Variants in ADGRL2 observed in about 807,000 individuals in gnomAD.
ADGRL2 encodes calcium-independent alpha-latrotoxin receptor 2.
A neutral mutation model predicts 157.4 loss-of-function variants in ADGRL2; 44 were observed. The ratio of observed to expected loss-of-function variants is 0.28; its 90% CI spans 0.22 to 0.36. ADGRL2 has a LOEUF of 0.36. Ranked by LOEUF, ADGRL2 falls within the 10% of genes least tolerant of loss-of-function variation. The probability of loss-of-function intolerance (pLI) is 1.00; values close to 1 mark genes in which losing one functional copy is unlikely to be tolerated. For synonymous variants in ADGRL2, 585 were observed against 624.7 expected, an observed-to-expected ratio of 0.94 and a Z score of 0.95; for missense variants, 1,510 against 1,768.9, an observed-to-expected ratio of 0.85 and a Z score of 2.63.
At position 81,984,556 on chromosome 1, in the gene ADGRL2, C is replaced by T. The variant is rs530847401; in HGVS notation, c.3283-27C>T. 30 of 1,551,950 alleles carry T rather than the reference C, an allele frequency of 1.9e-5. 1 individual carries two copies. In the South Asian group the frequency reaches 3.5e-4, roughly 18 times the overall value. Reference sequence around the variant, plus strand: ...GAGAAGCAAGTGTGTTATATTAATCCCTTGGTCTTGTGATTATTCAATGCA... The same window carrying T: ...GAGAAGCAAGTGTGTTATATTAATCTCTTGGTCTTGTGATTATTCAATGCA... On this transcript the variant is annotated intron_variant, in intron 19 of 23. Coordinates refer to ENST00000686636, the MANE Select transcript of ADGRL2 (RefSeq NM_001366006.2).
chr1:81,534,591 T>C (rs377226603), intron 2 of ADGRL2, among the ~76,000 whole-genome samples: 87 of 152,320 alleles, frequency 5.7e-4, no homozygotes, highest in African/African-American at 1.9e-3. Context: ...CAAAGAAAAC[T>C]GTTCCCATTT....
intron 1 of ADGRL2, among the ~76,000 whole-genome samples, chr1:81,370,829 G>A (rs1377853132): frequency 6.6e-6 from 1 of 151,960 alleles, no homozygotes; most frequent in East Asian, 1.9e-4. Flanking sequence ...TTTCATTTTG[G>A]AGATACAAAA....
chr1:81,763,133 T>G (rs889585079), intron 2 of ADGRL2, among the ~76,000 whole-genome samples: 1 of 151,998 alleles, frequency 6.6e-6, no homozygotes, highest in Admixed American at 6.6e-5. Context: ...ATTCTTCATT[T>G]TTTGCATTTC....
chr1:81,833,608 G>T (rs535413488), intron 1 of ADGRL2, among the ~76,000 whole-genome samples: 24 of 152,322 alleles, frequency 1.6e-4, no homozygotes, highest in Non-Finnish European at 3.4e-4. Context: ...AAGGCTAGGT[G>T]TGATTTCCTG....
chr1:81,813,685 T>C (rs117101918), intron 1 of ADGRL2, among the ~76,000 whole-genome samples: 2 of 151,880 alleles, frequency 1.3e-5, no homozygotes, highest in East Asian at 3.9e-4. Flanking sequence ...TGGTAGATAC[T>C]CTTTACTGCC....
chr1:81,392,314 G>A (rs186273721), intron 1 of ADGRL2, among the ~76,000 whole-genome samples: 8 of 151,606 alleles, frequency 5.3e-5, no homozygotes, highest in African/African-American at 1.9e-4. Flanking sequence ...AGTTTATTTC[G>A]GGAGGAAGGT....
intron 1 of ADGRL2, among the ~76,000 whole-genome samples, chr1:81,724,626 C>T (rs916050993): frequency 3.3e-5 from 5 of 152,042 alleles, no homozygotes; most frequent in South Asian, 2.1e-4. Context: ...GTATAGACAT[C>T]GTACCTGACA....
At chr1:81,581,998 A>G (rs2080924672) in intron 3 of ADGRL2, among the ~76,000 whole-genome samples, 1 of 151,970 alleles carries the variant, frequency 6.6e-6, no homozygotes, top group Admixed American at 6.6e-5. Context: ...AGGTGGGCAG[A>G]TCACCTGAGG....
At chr1:81,760,118 G>T (rs9324187) in intron 1 of ADGRL2, among the ~76,000 whole-genome samples, 71,119 of 151,886 alleles carry the variant, frequency 0.47, 17,322 homozygotes, top group East Asian at 0.89. Flanking sequence ...CTCATACTTG[G>T]CCAATAGTTA....
rs1392387841 is a variant in ADGRL2 at position 81,992,312 on chromosome 1, C to A, written c.*1167C>A. 1 of 152,494 alleles carries A rather than the reference C, an allele frequency of 6.6e-6. No homozygotes were observed. The highest frequency in any genetic ancestry group is 1.5e-5 in the Non-Finnish European group (1 of 67,986). The allele number at this position is 152,494 out of a possible 1,614,324, so 9.4% of individuals were successfully genotyped here. A position where few individuals can be genotyped will look rare whatever the true frequency, so the allele number is the denominator to read the frequency against. On this transcript the variant is annotated 3_prime_UTR_variant, in exon 24 of 24. Transcript: ENST00000686636. ...AAATGTAAATTGTTTCAGCAAAATT[C>A]TGCTTTTTTTTCATCCCTTTGTGTA...
intron 3 of ADGRL2, among the ~76,000 whole-genome samples, chr1:81,927,594 AAAAT>A (rs1293902366): frequency 6.6e-6 from 1 of 152,004 alleles, no homozygotes; most frequent in East Asian, 1.9e-4. Flanking sequence ...TAATGATTTC[AAAAT>A]AAATAACACA....
Position 81,993,638 on chromosome 1 carries a change from T to A in ADGRL2, c.*2493T>A, listed in dbSNP as rs1664967712. On this transcript the variant is annotated 3_prime_UTR_variant, in exon 24 of 24. Coordinates refer to ENST00000686636, the MANE Select transcript of ADGRL2 (RefSeq NM_001366006.2). Reference sequence around the variant, plus strand: ...GCATTTCTTTTCAAAAATATATAAATATTGCCTTAAATTCCATCTAGGATT... The same window carrying A: ...GCATTTCTTTTCAAAAATATATAAAAATTGCCTTAAATTCCATCTAGGATT... Among the ~76,000 whole-genome samples, 1 of 152,178 alleles carries A rather than the reference T, an allele frequency of 6.6e-6. No homozygotes were observed. Among genetic ancestry groups the A allele is most frequent in the Non-Finnish European group, 1.5e-5 (1 of 68,036 alleles).
chr1:81,969,844 A>G (rs1658195445), intron 15 of ADGRL2, among the ~76,000 whole-genome samples: 1 of 152,154 alleles, frequency 6.6e-6, no homozygotes, highest in African/African-American at 2.4e-5. Flanking sequence ...TGTTCCAGAT[A>G]TGACAGGAAC....
chr1:81,512,495 G>A (rs2079097966), intron 2 of ADGRL2, among the ~76,000 whole-genome samples: 1 of 152,042 alleles, frequency 6.6e-6, no homozygotes, highest in African/African-American at 2.4e-5. Flanking sequence ...AGATGGTTCT[G>A]ATTCTACACA....
At chr1:81,927,872 C>T (rs940962921) in intron 3 of ADGRL2, among the ~76,000 whole-genome samples, 1 of 151,936 alleles carries the variant, frequency 6.6e-6, no homozygotes, top group Non-Finnish European at 1.5e-5. Flanking sequence ...GACCCACTTT[C>T]CCTAGCTGTA....
intron 2 of ADGRL2, among the ~76,000 whole-genome samples, chr1:81,516,382 G>C (rs1429971892): frequency 6.6e-6 from 1 of 152,112 alleles, no homozygotes; most frequent in Non-Finnish European, 1.5e-5. Flanking sequence ...AAAGTACAAA[G>C]TGACTCAAAT....
intron 2 of ADGRL2, among the ~76,000 whole-genome samples, chr1:81,570,154 C>T (rs1322573680): frequency 6.6e-6 from 1 of 152,160 alleles, no homozygotes; most frequent in Admixed American, 6.5e-5. Flanking sequence ...ACAGCCTACA[C>T]AAATCAGGGT....
intron 2 of ADGRL2, among the ~76,000 whole-genome samples, chr1:81,857,775 A>G (rs1224074065): frequency 6.6e-6 from 1 of 152,182 alleles, no homozygotes; most frequent in Admixed American, 6.6e-5. Context: ...TAAATAAATT[A>G]TTGGATACAT....
At chr1:81,922,643 AG>A (rs958231311) in intron 3 of ADGRL2, among the ~76,000 whole-genome samples, 2 of 152,182 alleles carry the variant, frequency 1.3e-5, no homozygotes, top group Non-Finnish European at 2.9e-5. Context: ...CCAAAATTAC[AG>A]GTATTTCTAC....
Sources: allele counts gnomAD v4.1 joint callset (sites outside exome capture counted in the v4.1 genomes callset), GRCh38; gene constraint gnomAD v4.1.1; transcripts MANE v1.5; gene names NCBI Gene and HGNC (gene_info 2026-07-23, HGNC 2026-07-21).